The following FNBP1L variants were observed in gnomAD, a reference collection of about 807,000 sequenced individuals.
FNBP1L encodes the protein formin binding protein 1 like, also known as formin-binding protein 1-like.
FNBP1L carries 36 observed loss-of-function variants against 91.2 expected under a neutral mutation model. The ratio of observed to expected loss-of-function variants is 0.39; its 90% CI spans 0.30 to 0.52. FNBP1L has a LOEUF of 0.52. Ranked by LOEUF, FNBP1L falls within the 20% of genes least tolerant of loss-of-function variation. The probability of loss-of-function intolerance (pLI) is 0.66; values close to 1 mark genes in which losing one functional copy is unlikely to be tolerated. For missense variants in FNBP1L, 571 were observed against 732.1 expected (o/e 0.78, Z 2.54); for synonymous variants, 242 against 237.0 (o/e 1.02, Z -0.19).
intron 1 of FNBP1L, among the ~76,000 whole-genome samples, chr1:93,466,462 C>A (rs1481185241): frequency 6.6e-6 from 1 of 152,178 alleles, no homozygotes; most frequent in Non-Finnish European, 1.5e-5. Context: ...ATAGGGAATC[C>A]TTTCCCCATT....
At chr1:93,491,249 C>G (rs1670079985) in intron 1 of FNBP1L, among the ~76,000 whole-genome samples, 1 of 152,072 alleles carries the variant, frequency 6.6e-6, no homozygotes, top group Non-Finnish European at 1.5e-5. Context: ...CTGGCTGATT[C>G]TTATATTTTA....
At chr1:93,470,251 C>T (rs1379562238) in intron 1 of FNBP1L, among the ~76,000 whole-genome samples, 1 of 152,108 alleles carries the variant, frequency 6.6e-6, no homozygotes, top group East Asian at 1.9e-4. Flanking sequence ...CTATCTTAGC[C>T]TCCAGAGTAG....
intron 5 of FNBP1L, among the ~76,000 whole-genome samples, chr1:93,525,477 C>T (rs1671463777): frequency 6.6e-6 from 1 of 152,078 alleles, no homozygotes; most frequent in Non-Finnish European, 1.5e-5. Context: ...AGCAAGACTT[C>T]ACCAAGTATT....
chr1:93,507,107 ACTCTCTCTCTCTCTCTCTCTCTCT>A (rs545137195), intron 2 of FNBP1L, among the ~76,000 whole-genome samples: 2 of 45,514 alleles, frequency 4.4e-5, no homozygotes, highest in African/African-American at 2.0e-4. Context: ...ACACACACAC[ACTCTCTCTCTCTCTCTCTCTCTCT>A]CTCTCTCTCT....
intron 1 of FNBP1L, among the ~76,000 whole-genome samples, chr1:93,498,913 G>A (rs1225570631): frequency 4.6e-5 from 7 of 152,128 alleles, no homozygotes; most frequent in African/African-American, 1.4e-4. Flanking sequence ...CAAACATCTC[G>A]GAAATGGCAG....
intron 2 of FNBP1L, among the ~76,000 whole-genome samples, chr1:93,502,666 T>C (rs1670476317): frequency 2.0e-5 from 3 of 152,242 alleles, no homozygotes; most frequent in Admixed American, 2.0e-4. Context: ...TAGAATTTTG[T>C]ATTGAGAAAG....
intron 3 of FNBP1L, among the ~76,000 whole-genome samples, chr1:93,522,768 A>G (rs1220745579): frequency 6.6e-6 from 1 of 152,186 alleles, no homozygotes; most frequent in African/African-American, 2.4e-5. Flanking sequence ...CAAAGTAGAT[A>G]TATACATTAA....
intron 16 of FNBP1L, chr1:93,551,320 A>G (rs975921502): frequency 8.1e-7 from 1 of 1,231,538 alleles, no homozygotes; most frequent in Non-Finnish European, 1.0e-6. Context: ...TGTTTGAGTA[A>G]CGTTGGTGTG....
Position 93,448,263 on chromosome 1 carries a change from A to C in FNBP1L, c.-19A>C. ...GACTGAAGGACAGCGGCACCGCCAG[A>C]CGGCCAGAAAGTTCCGCCATGAGCT... On this transcript the variant is annotated 5_prime_UTR_variant, in exon 1 of 17. Coordinates refer to ENST00000271234, the MANE Select transcript of FNBP1L (RefSeq NM_001164473.3). 6.6e-7 allele frequency: 1 copy of C among 1,520,142 alleles called. No homozygotes were observed. Among genetic ancestry groups the C allele is most frequent in the Non-Finnish European group, 8.8e-7 (1 of 1,133,698 alleles). The allele number at this position is 1,520,142 out of a possible 1,614,324, so 94.2% of individuals were successfully genotyped here.
At chr1:93,493,917 C>T (rs1193481384) in intron 1 of FNBP1L, among the ~76,000 whole-genome samples, 3 of 152,180 alleles carry the variant, frequency 2.0e-5, no homozygotes, top group Non-Finnish European at 1.5e-5. Context: ...TGACACCAAA[C>T]ACATGAGTTT....
At chr1:93,473,770 C>T (rs1428551863) in intron 1 of FNBP1L, among the ~76,000 whole-genome samples, 1 of 152,160 alleles carries the variant, frequency 6.6e-6, no homozygotes, top group African/African-American at 2.4e-5. Context: ...TGGGCCTGGT[C>T]TGTGGAGCCA....
chr1:93,471,584 C>T (rs979547583), intron 1 of FNBP1L, among the ~76,000 whole-genome samples: 8 of 152,162 alleles, frequency 5.3e-5, no homozygotes, highest in African/African-American at 1.7e-4. Context: ...CCCCGCTACT[C>T]GGGAGCCTAA....
At chr1:93,487,027 A>G (rs1669934705) in intron 1 of FNBP1L, among the ~76,000 whole-genome samples, 1 of 152,050 alleles carries the variant, frequency 6.6e-6, no homozygotes, top group East Asian at 1.9e-4. Context: ...ACTTCTATCT[A>G]ATCTTTTGGA....
chr1:93,479,912 C>T (rs1400745598), intron 1 of FNBP1L, among the ~76,000 whole-genome samples: 1 of 152,042 alleles, frequency 6.6e-6, no homozygotes, highest in African/African-American at 2.4e-5. Context: ...ACGAAGATAA[C>T]AGGTTTAAGA....
intron 8 of FNBP1L, among the ~76,000 whole-genome samples, chr1:93,533,823 C>T (rs994187149): frequency 6.6e-6 from 1 of 152,148 alleles, no homozygotes; most frequent in Non-Finnish European, 1.5e-5. Context: ...TATACAATAT[C>T]ATTACAGCCC....
At position 93,524,835 on chromosome 1, in the gene FNBP1L, C is replaced by T. The variant is rs562680166; in HGVS notation, c.405+512C>T. ...CAGTCATTGTATAATTTTGTAAATG[C>T]TCCTGATATTGGCCTGCTAATAGAA... On this transcript the variant is annotated intron_variant, in intron 5 of 16. Transcript: ENST00000271234. Among the ~76,000 whole-genome samples the T allele has an allele frequency of 2.0e-4, 31 of 151,872 alleles. 1 individual carries two copies. Among genetic ancestry groups the T allele is most frequent in the Admixed American group, 3.9e-4 (6 of 15,242 alleles).
intron 1 of FNBP1L, among the ~76,000 whole-genome samples, chr1:93,495,855 CAT>C (rs1488855083): frequency 9.2e-5 from 14 of 152,268 alleles, no homozygotes; most frequent in African/African-American, 3.1e-4. Flanking sequence ...TGATCTGTGT[CAT>C]GTGCAAATAT....
At chr1:93,498,089 T>C (rs1670328213) in intron 1 of FNBP1L, among the ~76,000 whole-genome samples, 1 of 152,138 alleles carries the variant, frequency 6.6e-6, no homozygotes, top group Non-Finnish European at 1.5e-5. Context: ...AATAACTACA[T>C]ATAATTGTTT....
At chr1:93,519,084 T>A (rs1332338599) in intron 2 of FNBP1L, among the ~76,000 whole-genome samples, 2 of 152,248 alleles carry the variant, frequency 1.3e-5, no homozygotes, top group African/African-American at 4.8e-5. Flanking sequence ...TAGCAGATAG[T>A]AGCTTTGCTG....
Sources: allele counts gnomAD v4.1 joint callset (sites outside exome capture counted in the v4.1 genomes callset), GRCh38; gene constraint gnomAD v4.1.1; transcripts MANE v1.5; gene names NCBI Gene and HGNC (gene_info 2026-07-23, HGNC 2026-07-21).